The following SUN3 variants were observed in gnomAD, a reference collection of about 807,000 sequenced individuals.
The protein encoded by SUN3 is SUN domain-containing protein 3.
In SUN3, 36 loss-of-function variants were observed where a neutral mutation model predicts 48.2. That is an observed-to-expected ratio of 0.75 (90% confidence interval 0.57 to 0.99). The LOEUF is 0.99. Among genes scored for constraint, SUN3 ranks in the 50% least tolerant of loss-of-function variants. The pLI, the probability that SUN3 is intolerant of heterozygous loss-of-function variation, is 0.00. For synonymous variants in SUN3, 148 were observed against 147.9 expected (o/e 1.00, Z 0.00); for missense variants, 419 against 433.1 (o/e 0.97, Z 0.29).
At chr7:47,991,673 G>A (rs2128770033) in intron 8 of SUN3, among the ~76,000 whole-genome samples, 2 of 152,168 alleles carry the variant, frequency 1.3e-5, no homozygotes, top group Non-Finnish European at 2.9e-5. Flanking sequence ...TGGCCAAATG[G>A]CGCCTGGAGA....
chr7:48,005,716 T>C (rs1789504663), intron 6 of SUN3, among the ~76,000 whole-genome samples: 1 of 152,148 alleles, frequency 6.6e-6, no homozygotes, highest in Non-Finnish European at 1.5e-5. Context: ...CTGTGGCATC[T>C]TGGCTTTCTT....
chr7:48,007,376 G>A (rs1487312885), intron 4 of SUN3, 49 bp from the exon 5 acceptor site: 2 of 1,565,684 alleles, frequency 1.3e-6, no homozygotes, highest in South Asian at 1.2e-5. Flanking sequence ...TAAAGCTCCT[G>A]TTATCAGCTG....
intron 4 of SUN3, among the ~76,000 whole-genome samples, chr7:48,008,104 G>C (rs1308771596): frequency 2.0e-5 from 3 of 152,090 alleles, no homozygotes; most frequent in African/African-American, 7.3e-5. Context: ...GATTACAGGC[G>C]TGAGCCACCA....
At chr7:47,995,924 G>T in intron 7 of SUN3, 107 bp downstream of exon 7, 1 of 607,502 alleles carries the variant, frequency 1.6e-6, no homozygotes, top group Non-Finnish European at 2.8e-6. Flanking sequence ...TCTGTGACAA[G>T]TTCAGACACT....
chr7:48,009,914 T>C (rs1475666333), intron 3 of SUN3, among the ~76,000 whole-genome samples: 1 of 152,062 alleles, frequency 6.6e-6, no homozygotes, highest in African/African-American at 2.4e-5. Flanking sequence ...GAGAAGAACT[T>C]GGGTCTGGGT....
rs1426725538 is a variant in SUN3 at position 48,006,428 on chromosome 7, TG to T, written c.493-376del. Reference sequence around the variant, plus strand: ...TGTCCTGTGGTTAGCAGTAAAGACTTGAACATTCTAGAGTTATTTGGGAATC... The same window carrying T: ...TGTCCTGTGGTTAGCAGTAAAGACTTAACATTCTAGAGTTATTTGGGAATC... On this transcript the variant is annotated intron_variant, in intron 5 of 9. Coordinates refer to ENST00000297325, the MANE Select transcript of SUN3 (RefSeq NM_001030019.2). 2.0e-5 allele frequency among the ~76,000 whole-genome samples: 3 copies of T among 152,300 alleles called. No homozygotes were observed. The South Asian group carries it at 6.2e-4, about 32-fold the overall frequency.
intron 3 of SUN3, 59 bp downstream of exon 3, chr7:48,017,203 C>G (rs1789836078): frequency 3.6e-6 from 3 of 835,416 alleles, no homozygotes; most frequent in African/African-American, 3.5e-5. Flanking sequence ...GTTGAACTAG[C>G]CTTGTAGCAT....
At chr7:48,010,155 G>GGCACACATGCATACTCACATAT (rs1271585304) in intron 3 of SUN3, among the ~76,000 whole-genome samples, 1 of 151,986 alleles carries the variant, frequency 6.6e-6, no homozygotes, top group African/African-American at 2.4e-5. Context: ...CATGCTCATA[G>GGCACACATGCATACTCACATAT]GCACACATGC....
At chr7:48,023,473 A>G (rs1344502967) in intron 2 of SUN3, among the ~76,000 whole-genome samples, 2 of 152,158 alleles carry the variant, frequency 1.3e-5, no homozygotes, top group African/African-American at 2.4e-5. Context: ...GCACTACAAC[A>G]AAGCAATTAA....
At chr7:48,003,891 C>T (rs1016781872) in intron 6 of SUN3, among the ~76,000 whole-genome samples, 6 of 144,884 alleles carry the variant, frequency 4.1e-5, no homozygotes, top group Admixed American at 1.3e-4. Context: ...ATTTGGATGC[C>T]CTTTATTTAT....
At chr7:48,008,472 T>C (rs564324368) in intron 4 of SUN3, among the ~76,000 whole-genome samples, 1 of 152,378 alleles carries the variant, frequency 6.6e-6, no homozygotes, top group East Asian at 1.9e-4. Flanking sequence ...TTCATGAATA[T>C]ATTCCAATGT....
intron 8 of SUN3, chr7:47,990,922 G>A (rs530604271): frequency 5.8e-5 from 23 of 398,082 alleles, no homozygotes; most frequent in East Asian, 4.2e-4. Flanking sequence ...AACACAAAGC[G>A]GAGCAACAGA....
chr7:47,988,091 C>G (rs1458119149), intron 9 of SUN3, among the ~76,000 whole-genome samples: 1 of 152,130 alleles, frequency 6.6e-6, no homozygotes, highest in Non-Finnish European at 1.5e-5. Context: ...AATATGAGCC[C>G]AAATGCATAT....
At chr7:48,030,399 A>G (rs555604098), upstream of SUN3, among the ~76,000 whole-genome samples, 1 of 152,292 alleles carries the variant, frequency 6.6e-6, no homozygotes, top group East Asian at 1.9e-4. Context: ...CCTCTCTTTT[A>G]GCATCTATGC....
At chr7:48,017,217 A>T in intron 3 of SUN3, 45 bp downstream of exon 3, 2 of 1,029,360 alleles carry the variant, frequency 1.9e-6, no homozygotes, top group Non-Finnish European at 2.9e-6. Context: ...GTAGCATATT[A>T]AACTTTAAAT....
At chr7:48,026,036 T>C (rs964060488) in intron 1 of SUN3, 98 bp from the exon 2 acceptor site, 5 of 766,944 alleles carry the variant, frequency 6.5e-6, no homozygotes, top group Non-Finnish European at 1.1e-5. Flanking sequence ...AACTTACTTA[T>C]TTTCATTCTT....
chr7:48,001,769 C>A (rs1789383678), intron 6 of SUN3, among the ~76,000 whole-genome samples: 1 of 152,122 alleles, frequency 6.6e-6, no homozygotes, highest in African/African-American at 2.4e-5. Context: ...ATCTCCTGAC[C>A]TTGTGATCTG....
In SUN3 at chr7:48,013,062, A is replaced by C. The variant is rs140823381; in HGVS notation, c.289-3987T>G. 9.6e-4 allele frequency among the ~76,000 whole-genome samples: 146 copies of C among 152,328 alleles called. 1 individual carries two copies. The East Asian group carries it at 0.014, about 15-fold the overall frequency. ...CATTTTGTTATAGCAGCATAAATGG[A>C]TTAAGACTGTGCTGGTGATTTGAAA... On this transcript the variant is annotated intron_variant, in intron 3 of 9. Coordinates refer to ENST00000297325, the MANE Select transcript of SUN3 (RefSeq NM_001030019.2).
intron 8 of SUN3, among the ~76,000 whole-genome samples, chr7:47,990,522 C>T (rs962139375): frequency 3.3e-5 from 5 of 151,424 alleles, no homozygotes; most frequent in African/African-American, 1.2e-4. Context: ...GAGCGCTGGT[C>T]CCCTGGGCCC....
Sources: allele counts gnomAD v4.1 joint callset (sites outside exome capture counted in the v4.1 genomes callset), GRCh38; gene constraint gnomAD v4.1.1; transcripts MANE v1.5; gene names NCBI Gene and HGNC (gene_info 2026-07-23, HGNC 2026-07-21).